ZFP1: variants seen among roughly 807,000 people sequenced by gnomAD.
ZFP1 encodes zinc finger protein 1 homolog.
In ZFP1, 32 loss-of-function variants were observed where a neutral mutation model predicts 38.5. That is an observed-to-expected ratio of 0.83 (90% CI 0.63 to 1.12). The LOEUF (loss-of-function observed/expected upper bound fraction) is 1.12, where lower values mean the gene tolerates loss of function less well. ZFP1 is among the 50% of genes most tolerant of loss of function. The pLI is 0.00. For missense variants in ZFP1, 616 were observed against 480.8 expected, an observed-to-expected ratio of 1.28 and a Z score of -2.63; for synonymous variants, 245 against 168.8, an observed-to-expected ratio of 1.45 and a Z score of -3.50.
rs768885356 is a variant in ZFP1 at position 75,169,467 on chromosome 16, G to A, written c.357G>A (p.Leu119=). The A allele has an allele frequency of 3.1e-6, 5 of 1,612,784 alleles. No individual in the cohort carries two copies. In the East Asian group the frequency reaches 6.7e-5, roughly 22 times the overall value. ...YEKTLKYNSD[L]LNSNRSYAGK... is the part of the protein sequence containing the mutation. Reference sequence around the variant, plus strand: ...AAACTTTGAAATATAATTCAGACTTGCTTAATAGTAATAGAAGCTATGCAG... The same window carrying A: ...AAACTTTGAAATATAATTCAGACTTACTTAATAGTAATAGAAGCTATGCAG... Residue 119 remains leucine (L), a synonymous_variant, in exon 4 of 4, where the codon TTG becomes TTA. Coordinates refer to ENST00000570010, the MANE Select transcript of ZFP1 (RefSeq NM_153688.4).
chr16:75,154,700 G>A (rs1043861026), intron 2 of ZFP1, among the ~76,000 whole-genome samples: 5 of 152,012 alleles, frequency 3.3e-5, no homozygotes, highest in African/African-American at 1.2e-4. Flanking sequence ...AGCCGAGAGA[G>A]GGAACCTCCT....
At chr16:75,128,151 G>A in the ZFP1 span, among the ~76,000 whole-genome samples, 3 of 151,794 alleles carry the variant, frequency 2.0e-5, no homozygotes, top group African/African-American at 7.3e-5. Flanking sequence ...TCATACCTTT[G>A]TCTACACAGT....
At chr16:75,150,788 T>C (rs2145494811) in intron 1 of ZFP1, among the ~76,000 whole-genome samples, 1 of 152,268 alleles carries the variant, frequency 6.6e-6, no homozygotes, top group South Asian at 2.1e-4. Flanking sequence ...TCGTGTGTAT[T>C]TGAATAAATA....
chr16:75,168,712 C>G (rs139912624), intron 3 of ZFP1, among the ~76,000 whole-genome samples: 1 of 152,108 alleles, frequency 6.6e-6, no homozygotes, highest in African/African-American at 2.4e-5. Flanking sequence ...AAGTGCTGTT[C>G]TCTGGAAATC....
the ZFP1 span, chr16:75,132,652 CT>C: frequency 7.6e-4 from 79 of 104,296 alleles, no homozygotes; most frequent in African/African-American, 1.0e-3. Context: ...CATTTCATTT[CT>C]TTTTTTTTTT....
chr16:75,134,169 C>T, the ZFP1 span, among the ~76,000 whole-genome samples: 4 of 152,082 alleles, frequency 2.6e-5, no homozygotes, highest in African/African-American at 7.2e-5. Context: ...AATTAGATAG[C>T]GGTGATGGTT....
At chr16:75,162,494 T>C (rs143708275) in intron 2 of ZFP1, among the ~76,000 whole-genome samples, 1 of 152,206 alleles carries the variant, frequency 6.6e-6, no homozygotes, top group Non-Finnish European at 1.5e-5. Flanking sequence ...CGTTTCCATG[T>C]ATTGTGTATG....
chr16:75,139,384 A>AAAACAAAAC, the ZFP1 span, among the ~76,000 whole-genome samples: 1 of 149,110 alleles, frequency 6.7e-6, no homozygotes, highest in African/African-American at 2.5e-5. Flanking sequence ...AAAAAAAAAA[A>AAAACAAAAC]AAAAAAAAAA....
In ZFP1 at chr16:75,169,807, A is replaced by G. The variant is rs2038321625; in HGVS notation, c.697A>G (p.Ile233Val). The stretch of plus-strand genomic sequence containing the variant: ...GGCCAACCTCATCAAACATCAGAGA[A>G]TTCACACTGGGGAGAAACCTTTCGA... Reference protein sequence around the residue: ...HKANLIKHQRIHTGEKPFECP... With the variant: ...HKANLIKHQRVHTGEKPFECP... The change falls in exon 4 of 4, where the codon ATT becomes GTT. Residue 233 changes from isoleucine (I) to valine (V), a missense_variant. Physicochemically the swap from Ile to Val is conservative, Grantham distance 29. Coordinates refer to ENST00000570010, the MANE Select transcript of ZFP1 (RefSeq NM_153688.4). The G allele has an allele frequency of 6.2e-7, 1 of 1,614,028 alleles. No homozygotes were observed. Among genetic ancestry groups the G allele is most frequent in the Non-Finnish European group, 8.5e-7 (1 of 1,180,014 alleles).
At chr16:75,166,361 G>A (rs191320430) in intron 2 of ZFP1, among the ~76,000 whole-genome samples, 9 of 152,226 alleles carry the variant, frequency 5.9e-5, no homozygotes, top group East Asian at 3.9e-4. Context: ...GCTCCCCCAC[G>A]TAGCTGGGAG....
the ZFP1 span, among the ~76,000 whole-genome samples, chr16:75,127,096 C>T: frequency 6.6e-6 from 1 of 152,158 alleles, no homozygotes; most frequent in Non-Finnish European, 1.5e-5. Flanking sequence ...AATTTCCTTG[C>T]CAATTGTATC....
At chr16:75,133,840 G>C in the ZFP1 span, among the ~76,000 whole-genome samples, 1 of 152,068 alleles carries the variant, frequency 6.6e-6, no homozygotes, top group African/African-American at 2.4e-5. Context: ...CTTGAGGCCA[G>C]GCATTCGAGA....
At chr16:75,164,652 C>T (rs1306317994) in intron 2 of ZFP1, among the ~76,000 whole-genome samples, 2 of 151,974 alleles carry the variant, frequency 1.3e-5, no homozygotes, top group East Asian at 1.9e-4. Context: ...AACTCTGGCT[C>T]GTTGTCCAGA....
At chr16:75,130,712 C>A in the ZFP1 span, among the ~76,000 whole-genome samples, 1 of 152,146 alleles carries the variant, frequency 6.6e-6, no homozygotes, top group African/African-American at 2.4e-5. Flanking sequence ...CCTGACTTTC[C>A]TGTTGGGTGG....
At chr16:75,167,623 A>G (rs779731801) in intron 3 of ZFP1, among the ~76,000 whole-genome samples, 1 of 152,100 alleles carries the variant, frequency 6.6e-6, no homozygotes, top group Non-Finnish European at 1.5e-5. Context: ...TTTTTGAGAC[A>G]GGGTCTCATT....
At chr16:75,137,046 A>G in the ZFP1 span, among the ~76,000 whole-genome samples, 1 of 152,130 alleles carries the variant, frequency 6.6e-6, no homozygotes, top group Admixed American at 6.6e-5. Flanking sequence ...TCTAATGCCA[A>G]TCTCCAGTAA....
upstream of ZFP1, among the ~76,000 whole-genome samples, chr16:75,147,595 A>G (rs2036969438): frequency 6.6e-6 from 1 of 151,904 alleles, no homozygotes; most frequent in Non-Finnish European, 1.5e-5. Context: ...CCAGGTGCTG[A>G]TATTTAACTG....
chr16:75,166,704 T>C, intron 2 of ZFP1, 66 bp from the exon 3 acceptor site: 1 of 1,611,080 alleles, frequency 6.2e-7, no homozygotes, highest in East Asian at 2.2e-5. Flanking sequence ...TGACATAAAG[T>C]TTTCATCTAT....
upstream of ZFP1, among the ~76,000 whole-genome samples, chr16:75,143,682 C>G (rs1395461667): frequency 2.5e-5 from 3 of 120,294 alleles, no homozygotes; most frequent in Non-Finnish European, 3.2e-5. Flanking sequence ...GACATAGTCT[C>G]ACTCTATTGC....
Sources: allele counts gnomAD v4.1 joint callset (sites outside exome capture counted in the v4.1 genomes callset), GRCh38; gene constraint gnomAD v4.1.1; transcripts MANE v1.5; gene names NCBI Gene and HGNC (gene_info 2026-07-23, HGNC 2026-07-21).